ADGRL2: variants seen among roughly 807,000 people sequenced by gnomAD.
ADGRL2 encodes calcium-independent alpha-latrotoxin receptor 2.
In ADGRL2, 44 loss-of-function variants were observed where a neutral mutation model predicts 157.4. That is an observed-to-expected ratio of 0.28 (90% CI 0.22 to 0.36). The LOEUF (loss-of-function observed/expected upper bound fraction) is 0.36, where lower values mean the gene tolerates loss of function less well. Among genes scored for constraint, ADGRL2 ranks in the 10% least tolerant of loss-of-function variants. The pLI, the probability that ADGRL2 is intolerant of heterozygous loss-of-function variation, is 1.00. For missense variants in ADGRL2, 1,510 were observed against 1,768.9 expected, an observed-to-expected ratio of 0.85 and a Z score of 2.63; for synonymous variants, 585 against 624.7, an observed-to-expected ratio of 0.94 and a Z score of 0.95.
intron 10 of ADGRL2, among the ~76,000 whole-genome samples, chr1:81,953,265 A>G (rs535480525): frequency 6.6e-6 from 1 of 152,296 alleles, no homozygotes; most frequent in East Asian, 1.9e-4. Flanking sequence ...TTAATGAAAT[A>G]TCCTCTTAAT....
chr1:81,970,310 G>T lies in ADGRL2; in HGVS notation c.2734-4G>T, dbSNP rs757239872. 1.2e-6 allele frequency: 2 copies of T among 1,605,600 alleles called. No homozygotes were observed. Among genetic ancestry groups the T allele is most frequent in the Admixed American group, 1.7e-5 (1 of 59,198 alleles). ...TTTGTGTTTTTTGTTCTTTTCCCCC[G>T]TAGATTGCATGCCCAATATTTGCAG... On this transcript the variant is annotated splice_region_variant and splice_polypyrimidine_tract_variant and intron_variant, in intron 15 of 23. Coordinates refer to ENST00000686636, the MANE Select transcript of ADGRL2 (RefSeq NM_001366006.2).
chr1:81,558,704 TAGTACCTG>T (rs1438949948), intron 2 of ADGRL2, among the ~76,000 whole-genome samples: 2 of 152,224 alleles, frequency 1.3e-5, no homozygotes, highest in Non-Finnish European at 2.9e-5. Flanking sequence ...GTGTTTATAA[TAGTACCTG>T]GTACCTGGTT....
intron 2 of ADGRL2, among the ~76,000 whole-genome samples, chr1:81,870,795 C>G (rs558782718): frequency 2.6e-5 from 4 of 151,816 alleles, no homozygotes; most frequent in Non-Finnish European, 5.9e-5. Flanking sequence ...TCATGGTTCT[C>G]TATTTTTCTG....
intron 23 of ADGRL2, among the ~76,000 whole-genome samples, chr1:81,988,162 T>G (rs191870228): frequency 1.3e-5 from 2 of 152,284 alleles, no homozygotes; most frequent in Non-Finnish European, 2.9e-5. Flanking sequence ...TCAACCAAAA[T>G]GCTTAATAAT....
At chr1:81,910,928 CTT>C (rs1048482529) in intron 3 of ADGRL2, among the ~76,000 whole-genome samples, 4 of 144,394 alleles carry the variant, frequency 2.8e-5, no homozygotes, top group Admixed American at 7.0e-5. Flanking sequence ...GCCCCCCTTC[CTT>C]TTTTTTTTTA....
chr1:81,948,727 G>A (rs977791353), intron 6 of ADGRL2, among the ~76,000 whole-genome samples: 1 of 152,204 alleles, frequency 6.6e-6, no homozygotes, highest in Non-Finnish European at 1.5e-5. Context: ...TGCAGCAGCT[G>A]GCTAGGCATG....
intron 1 of ADGRL2, among the ~76,000 whole-genome samples, chr1:81,810,339 T>C (rs890495931): frequency 1.3e-5 from 2 of 151,910 alleles, no homozygotes; most frequent in South Asian, 2.1e-4. Context: ...CAAATAATCA[T>C]GTTTAAAATG....
chr1:81,427,600 C>T, intron 1 of ADGRL2: 1 of 705,926 alleles, frequency 1.4e-6, no homozygotes, highest in Admixed American at 1.8e-5. Flanking sequence ...GATATAGGAG[C>T]AGAAGGTTTT....
At chr1:81,475,272 T>C (rs2078249650) in intron 2 of ADGRL2, among the ~76,000 whole-genome samples, 1 of 152,224 alleles carries the variant, frequency 6.6e-6, no homozygotes, top group Non-Finnish European at 1.5e-5. Flanking sequence ...GTGATTATTT[T>C]ATCTGAGTAT....
chr1:81,798,530 A>G (rs1325965552), upstream of ADGRL2, among the ~76,000 whole-genome samples: 2 of 152,182 alleles, frequency 1.3e-5, 1 homozygote. Context: ...TAGAATACAC[A>G]TCCTATTGAA....
intron 1 of ADGRL2, among the ~76,000 whole-genome samples, chr1:81,744,006 GGGAAAAC>G (rs1351306131): frequency 6.6e-6 from 1 of 152,046 alleles, no homozygotes; most frequent in Non-Finnish European, 1.5e-5. Context: ...TATTTACTGT[GGGAAAAC>G]TAAGATTGGA....
At chr1:81,356,971 A>AAAAAAAAAAAAAAAAAAAAAAGAAG (rs80327519) in intron 1 of ADGRL2, among the ~76,000 whole-genome samples, 2 of 99,400 alleles carry the variant, frequency 2.0e-5, no homozygotes, top group Non-Finnish European at 4.1e-5. Context: ...AAAAAAAAAA[A>AAAAAAAAAAAAAAAAAAAAAAGAAG]AAGAAGTTGT....
intron 3 of ADGRL2, among the ~76,000 whole-genome samples, chr1:81,667,441 G>A (rs1570779215): frequency 6.6e-6 from 1 of 152,146 alleles, no homozygotes; most frequent in Non-Finnish European, 1.5e-5. Context: ...TATAGAAGGA[G>A]GCATAAAATG....
At chr1:81,351,991 T>G (rs894590721) in intron 1 of ADGRL2, among the ~76,000 whole-genome samples, 2 of 152,148 alleles carry the variant, frequency 1.3e-5, no homozygotes, top group African/African-American at 2.4e-5. Context: ...GCAGCAGAGA[T>G]GTCATACCGG....
rs537676041 is a variant in ADGRL2 at position 81,746,851 on chromosome 1, C to T, written c.-142-14960C>T. Among the ~76,000 whole-genome samples the T allele has an allele frequency of 1.8e-4, 24 of 131,784 alleles. 1 individual carries two copies. The South Asian group carries it at 5.0e-3, about 27-fold the overall frequency. The allele number at this position is 131,784 out of a possible 152,430, so 86.5% of individuals were successfully genotyped here. A position where few individuals can be genotyped will look rare whatever the true frequency, so the allele number is the denominator to read the frequency against. On this transcript the variant is annotated intron_variant, in intron 1 of 20. Transcript: ENST00000359929. ...TTATATATATACATGTATATACACA[C>T]GTGCACACGTATACACGTATATACA... is the stretch of plus-strand genomic sequence containing the variant.
At chr1:81,426,756 TG>T (rs2101587570) in intron 1 of ADGRL2, 3 of 462,082 alleles carry the variant, frequency 6.5e-6, no homozygotes, top group Non-Finnish European at 1.3e-5. Context: ...CACAGGTTGG[TG>T]GGTGTCTATT....
Position 81,603,971 on chromosome 1 carries a change from T to A in ADGRL2, c.-143+22991T>A, listed in dbSNP as rs183961514. Among the ~76,000 whole-genome samples the A allele has an allele frequency of 9.8e-3, 1,440 of 146,854 alleles. 28 individuals carry two copies. The highest frequency in any genetic ancestry group is 0.037 in the African/African-American group (1,368 of 36,886). On this transcript the variant is annotated intron_variant, in intron 3 of 24. Coordinates refer to the ADGRL2 transcript ENST00000370721. ...AAGAGCCCAATATCTTTTTCTTTTT[T>A]TTTTTTTTTTGAGCCAGAGTCTTGC...
chr1:81,963,528 G>A (rs1656120802), intron 11 of ADGRL2, among the ~76,000 whole-genome samples: 1 of 151,864 alleles, frequency 6.6e-6, no homozygotes, highest in South Asian at 2.1e-4. Context: ...TAAAGGTTTA[G>A]CCTTTATCTG....
At chr1:81,802,420 C>T (rs909241507) in intron 1 of ADGRL2, among the ~76,000 whole-genome samples, 5 of 152,096 alleles carry the variant, frequency 3.3e-5, no homozygotes, top group Non-Finnish European at 7.4e-5. Flanking sequence ...TCCCCCCAAT[C>T]TCCTCTTGGA....
Sources: allele counts gnomAD v4.1 joint callset (sites outside exome capture counted in the v4.1 genomes callset), GRCh38; gene constraint gnomAD v4.1.1; transcripts MANE v1.5; gene names NCBI Gene and HGNC (gene_info 2026-07-23, HGNC 2026-07-21).